The following MYB variants were observed in gnomAD, a reference collection of about 807,000 sequenced individuals.
MYB encodes transcriptional activator Myb.
MYB carries 28 observed loss-of-function variants against 92.9 expected under a neutral mutation model. The ratio of observed to expected loss-of-function variants is 0.30; its 90% confidence interval spans 0.22 to 0.41. MYB has a LOEUF of 0.41. Among genes scored for constraint, MYB ranks in the 10% least tolerant of loss-of-function variants. MYB has a pLI of 1.00. For missense variants in MYB, 679 were observed against 929.3 expected, an observed-to-expected ratio of 0.73 and a Z score of 3.50; for synonymous variants, 295 against 329.1, an observed-to-expected ratio of 0.90 and a Z score of 1.12.
Position 135,182,236 on chromosome 6 carries a change from A to G in MYB, c.23+700A>G, listed in dbSNP as rs1341824074. Among the ~76,000 whole-genome samples the G allele has an allele frequency of 6.6e-6, 1 of 152,118 alleles. No homozygotes were observed. Among genetic ancestry groups the G allele is most frequent in the Non-Finnish European group, 1.5e-5 (1 of 68,018 alleles). On this transcript the variant is annotated intron_variant, in intron 1 of 15. Coordinates refer to ENST00000341911, the MANE Select transcript of MYB (RefSeq NM_001130173.2). The surrounding 1 kb of genome is among the most constrained non-coding windows in gnomAD (Gnocchi z 5.6). ...GTCGCACATGTCACTGCACTTAGGG[A>G]GGCTCGCCGGGAAGATGGGTGCAGT... is the stretch of plus-strand genomic sequence containing the variant.
intron 15 of MYB, among the ~76,000 whole-genome samples, chr6:135,205,136 C>T (rs1312293397): frequency 6.6e-6 from 1 of 151,876 alleles, no homozygotes. Flanking sequence ...ATAAGAGGAA[C>T]CCAGAAAGGG....
At chr6:135,214,808 A>C (rs1164604214) in intron 15 of MYB, among the ~76,000 whole-genome samples, 2 of 152,248 alleles carry the variant, frequency 1.3e-5, no homozygotes, top group African/African-American at 2.4e-5. Flanking sequence ...ACAGATAGAC[A>C]CCAGAGAGAT....
rs767288950 is a variant in MYB at position 135,203,333 on chromosome 6, T to A, written c.2169+9T>A. 109 of 1,531,456 alleles carry A rather than the reference T, an allele frequency of 7.1e-5. No individual in the cohort carries two copies. Among genetic ancestry groups the A allele is most frequent in the Admixed American group, 1.2e-4 (7 of 59,354 alleles). The allele number at this position is 1,531,456 out of a possible 1,614,324, so 94.9% of individuals were successfully genotyped here. ...TGGCGAGCCCCTTGCAGGTAATTAC[T>A]ATTCCAACATTGGTATTTTAAAATT... On this transcript the variant is annotated intron_variant, in intron 15 of 15. Transcript: ENST00000341911.
chr6:135,202,950 G>A (rs1018949859), intron 14 of MYB: 1 of 673,616 alleles, frequency 1.5e-6, no homozygotes, highest in Non-Finnish European at 2.7e-6. Flanking sequence ...TTTAGCAGAT[G>A]TTTTTTGAGT....
intron 8 of MYB, chr6:135,194,679 T>G (rs1303849977): frequency 1.8e-6 from 1 of 570,926 alleles, no homozygotes; most frequent in African/African-American, 1.9e-5. Context: ...AAATGCAATA[T>G]CCACTTATGA....
chr6:135,212,224 C>CTTTTTTTTTTTTTTTTTCTTTTTTTTT (rs1779814295), intron 15 of MYB, among the ~76,000 whole-genome samples: 1 of 32,882 alleles, frequency 3.0e-5, no homozygotes, highest in Non-Finnish European at 5.3e-5. Flanking sequence ...TTTGGTTTTA[C>CTTTTTTTTTTTTTTTTTCTTTTTTTTT]TTTTTTTTTT....
chr6:135,192,318 G>C lies in MYB; in HGVS notation c.528-6G>C. ...TGTGAAATTTGTGTGATATATTTCT[G>C]TGCAGAACTGATAATGCTATCAAGA... On this transcript the variant is annotated splice_region_variant and splice_polypyrimidine_tract_variant and intron_variant, in intron 5 of 15. Coordinates refer to ENST00000341911, the MANE Select transcript of MYB (RefSeq NM_001130173.2). 1 of 1,608,518 alleles carries C rather than the reference G, an allele frequency of 6.2e-7. No individual in the cohort carries two copies. The highest frequency in any genetic ancestry group is 2.2e-5 in the East Asian group (1 of 44,846).
chr6:135,196,931 C>T, intron 9 of MYB, 30 bp from the exon 10 acceptor site: 1 of 1,599,164 alleles, frequency 6.3e-7, no homozygotes, highest in Non-Finnish European at 8.5e-7. Context: ...CACACTATCT[C>T]AAAGTTCTGT....
At chr6:135,207,737 C>CTTTTTTTTTT (rs11433082) in intron 15 of MYB, among the ~76,000 whole-genome samples, 1 of 139,926 alleles carries the variant, frequency 7.1e-6, no homozygotes. Context: ...TACCTCATCT[C>CTTTTTTTTTT]TTTTTTTTTT....
rs560328112 is a variant in MYB, at chr6:135,218,771, A to G, written c.*791A>G. On this transcript the variant is annotated 3_prime_UTR_variant, in exon 16 of 16. Transcript: ENST00000341911. ...AGACTTTTTAATTTTATATATATATACATTTTTTTTCCTTCTGCAATACAT... is the reference window on the plus strand; with the variant it reads ...AGACTTTTTAATTTTATATATATATGCATTTTTTTTCCTTCTGCAATACAT... The G allele has an allele frequency of 4.9e-6, 1 of 204,376 alleles. No individual in the cohort carries two copies. The highest frequency in any genetic ancestry group is 1.0e-5 in the Non-Finnish European group (1 of 99,518). 12.7% of individuals were successfully genotyped at this position (204,376 alleles called of 1,614,324 possible).
Position 135,200,334 on chromosome 6 carries a change from C to A in MYB, c.1869C>A (p.Ile623=). The part of the protein sequence containing the change: ...SHLVEDLQDV[I]KQESDESGIV... ...TAGTAGAAGATCTGCAGGATGTGAT[C>A]AAACAGGAATCTGATGAATCTGGAA... The change falls in exon 13 of 16, where the codon ATC becomes ATA. Residue 623 remains isoleucine (I), a synonymous_variant. Coordinates refer to ENST00000341911, the MANE Select transcript of MYB (RefSeq NM_001130173.2). 1.2e-6 allele frequency: 2 copies of A among 1,614,072 alleles called. No homozygotes were observed. Among genetic ancestry groups the A allele is most frequent in the South Asian group, 2.2e-5 (2 of 91,048 alleles).
chr6:135,190,062 G>C lies in MYB; in HGVS notation c.307-65G>C, dbSNP rs1776442563. 1 of 1,540,504 alleles carries C rather than the reference G, an allele frequency of 6.5e-7. No individual in the cohort carries two copies. The highest frequency in any genetic ancestry group is 1.8e-5 in the Admixed American group (1 of 55,546). On this transcript the variant is annotated intron_variant, in intron 4 of 15. Coordinates refer to ENST00000341911, the MANE Select transcript of MYB (RefSeq NM_001130173.2). This position sits in a 1 kb window ranked among gnomAD's most constrained non-coding sequence, Gnocchi z 4.5. ...TTTCTAAAGATCTTGTAACACTGAA[G>C]AATGATTATACTGACTCATTACATA...
At chr6:135,192,020 G>C (rs1227246541) in intron 5 of MYB, among the ~76,000 whole-genome samples, 1 of 152,154 alleles carries the variant, frequency 6.6e-6, no homozygotes, top group East Asian at 1.9e-4. Context: ...ACCGCGACCG[G>C]TCAGAATAAA....
intron 15 of MYB, among the ~76,000 whole-genome samples, chr6:135,217,184 C>A (rs1022549372): frequency 2.0e-5 from 3 of 152,076 alleles, no homozygotes; most frequent in Non-Finnish European, 2.9e-5. Context: ...ACCTGGGCAA[C>A]ATGGTGAAAC....
intron 1 of MYB, among the ~76,000 whole-genome samples, chr6:135,184,103 A>G (rs975707427): frequency 6.6e-6 from 1 of 152,172 alleles, no homozygotes; most frequent in African/African-American, 2.4e-5. Flanking sequence ...GAGGTGCTCA[A>G]TGACTACTCT....
intron 15 of MYB, among the ~76,000 whole-genome samples, chr6:135,204,240 G>A (rs934375560): frequency 6.6e-6 from 1 of 152,194 alleles, no homozygotes; most frequent in Non-Finnish European, 1.5e-5. Flanking sequence ...CAAATTGTGA[G>A]AATCTGAAAA....
chr6:135,200,652 A>G, intron 13 of MYB: 2 of 575,906 alleles, frequency 3.5e-6, no homozygotes, highest in Non-Finnish European at 3.1e-6. Flanking sequence ...ACTAGAGAGT[A>G]TCAAGAAAAG....
intron 15 of MYB, among the ~76,000 whole-genome samples, chr6:135,207,621 C>T (rs1028726275): frequency 2.0e-5 from 3 of 151,990 alleles, no homozygotes; most frequent in African/African-American, 4.8e-5. Flanking sequence ...TTAGAAATGC[C>T]GAGAAGCTAT....
At chr6:135,195,646 T>G (rs1355324990) in intron 8 of MYB, 102 bp from the exon 9 acceptor site, 1 of 1,342,170 alleles carries the variant, frequency 7.5e-7, no homozygotes, top group Non-Finnish European at 1.0e-6. Flanking sequence ...TACTCTTATC[T>G]TTCCTCCAAC....
Sources: allele counts gnomAD v4.1 joint callset (sites outside exome capture counted in the v4.1 genomes callset), GRCh38; gene constraint gnomAD v4.1.1; non-coding constraint Gnocchi (gnomAD v3.1); transcripts MANE v1.5; gene names NCBI Gene and HGNC (gene_info 2026-07-23, HGNC 2026-07-21).